PEAK1: variants seen among roughly 807,000 people sequenced by gnomAD.
PEAK1 encodes inactive tyrosine-protein kinase PEAK1.
Under a neutral mutation model 124.7 loss-of-function variants are expected in PEAK1, and 54 were observed. The ratio of observed to expected loss-of-function variants is 0.43; its 90% CI spans 0.35 to 0.54. PEAK1 has a LOEUF of 0.54. PEAK1 is among the 20% of genes least tolerant of loss of function. The pLI is 0.01. For synonymous variants in PEAK1, 719 were observed against 760.0 expected (o/e 0.95, Z 0.89); for missense variants, 2,046 against 2,134.5 (o/e 0.96, Z 0.82).
Position 77,307,102 on chromosome 15 carries a change from A to G in PEAK1, c.-602-20598T>C, listed in dbSNP as rs114634383. On this transcript the variant is annotated intron_variant, in intron 2 of 9. Transcript: ENST00000682557. The stretch of plus-strand genomic sequence containing the variant: ...AGAAAAACAGCAAATGGAAACATAA[A>G]TTATTTTTATTATTAAACCATAAGT... 7.3e-3 allele frequency among the ~76,000 whole-genome samples: 1,111 copies of G among 152,236 alleles called. 15 individuals are homozygous for G. Among genetic ancestry groups the G allele is most frequent in the African/African-American group, 0.025 (1,055 of 41,570 alleles).
At chr15:77,325,236 G>A (rs1287636150) in intron 2 of PEAK1, among the ~76,000 whole-genome samples, 1 of 151,934 alleles carries the variant, frequency 6.6e-6, no homozygotes, top group African/African-American at 2.4e-5. Context: ...GGCAACATAG[G>A]GAGCCCTGTC....
In PEAK1 at chr15:77,111,340, G is replaced by A. The variant is rs1006260757; in HGVS notation, c.*2816C>T. ...TAAAATGAAAAATATTTGTGATAAT[G>A]TTAAACTGACTGAATTTCATTTTTT... is the stretch of plus-strand genomic sequence containing the variant. On this transcript the variant is annotated 3_prime_UTR_variant, in exon 10 of 10. Transcript: ENST00000682557. The A allele has an allele frequency of 6.6e-6, 1 of 152,212 alleles. No homozygotes were observed. Among genetic ancestry groups the A allele is most frequent in the Non-Finnish European group, 1.5e-5 (1 of 68,040 alleles). The allele number at this position is 152,212 out of a possible 1,614,324, so 9.4% of individuals were successfully genotyped here.
Position 77,181,774 on chromosome 15 carries a change from G to A in PEAK1, c.153C>T (p.Asn51=). The A allele has an allele frequency of 6.2e-7, 1 of 1,614,130 alleles. No homozygotes were observed. Among genetic ancestry groups the A allele is most frequent in the Non-Finnish European group, 8.5e-7 (1 of 1,180,014 alleles). ...TGCCCGTGTTCCTGATGCGGTGGTT[G>A]TTACTGTGATTGGCATTAGTTTTCA... is the stretch of plus-strand genomic sequence containing the variant. ...GNVKTNANHS[N]NHRIRNTGNF... Residue 51 remains asparagine, a synonymous_variant, in exon 7 of 10, where the codon AAC becomes AAT. Transcript: ENST00000682557.
rs538485279 is a variant in PEAK1, at chr15:77,339,696, A to G, written c.-603+25467T>C. Among the ~76,000 whole-genome samples, 7 of 152,320 alleles carry G rather than the reference A, an allele frequency of 4.6e-5. 1 individual carries two copies. Among genetic ancestry groups the G allele is most frequent in the African/African-American group, 1.4e-4 (6 of 41,574 alleles). ...TTAAAACTTCTGCTCTGAAAAAGAC[A>G]TTGTTAATGAAAAGACAAGTCACAT... On this transcript the variant is annotated intron_variant, in intron 2 of 9. Transcript: ENST00000682557.
At chr15:77,267,225 A>G (rs1271842768) in intron 5 of PEAK1, among the ~76,000 whole-genome samples, 1 of 152,126 alleles carries the variant, frequency 6.6e-6, no homozygotes, top group Non-Finnish European at 1.5e-5. Context: ...TCCCTGCCCA[A>G]GGAGAGTCTG....
At chr15:77,224,377 T>G (rs914188998) in intron 6 of PEAK1, among the ~76,000 whole-genome samples, 1 of 151,996 alleles carries the variant, frequency 6.6e-6, no homozygotes, top group Admixed American at 6.6e-5. Flanking sequence ...AATTATCTGG[T>G]TTTTACTAAT....
At chr15:77,295,561 A>G (rs955382492) in intron 2 of PEAK1, among the ~76,000 whole-genome samples, 2 of 152,172 alleles carry the variant, frequency 1.3e-5, no homozygotes, top group African/African-American at 2.4e-5. Context: ...TTTTCCATGT[A>G]GGTTACCATG....
At chr15:77,409,614 C>G (rs1210417679) in intron 1 of PEAK1, among the ~76,000 whole-genome samples, 3 of 152,058 alleles carry the variant, frequency 2.0e-5, no homozygotes, top group Non-Finnish European at 4.4e-5. Context: ...AGCAGAAAAC[C>G]CATTACTCAC....
intron 6 of PEAK1, among the ~76,000 whole-genome samples, chr15:77,248,586 C>T (rs1384036155): frequency 6.6e-6 from 1 of 152,148 alleles, no homozygotes; most frequent in Non-Finnish European, 1.5e-5. Flanking sequence ...TGTGAGGACA[C>T]AGTGAAAAGA....
intron 8 of PEAK1, among the ~76,000 whole-genome samples, chr15:77,142,832 A>G (rs1322886741): frequency 6.6e-6 from 1 of 152,166 alleles, no homozygotes; most frequent in Non-Finnish European, 1.5e-5. Flanking sequence ...GGCTGGGGGA[A>G]GGGGAGAATG....
At chr15:77,401,655 A>C in intron 1 of PEAK1, 1 of 985,174 alleles carries the variant, frequency 1.0e-6, no homozygotes, top group Non-Finnish European at 1.2e-6. Flanking sequence ...TAGAACTTCA[A>C]TGGACATTGC....
intron 2 of PEAK1, chr15:77,349,098 G>A (rs1033685823): frequency 1.3e-6 from 1 of 744,126 alleles, no homozygotes; most frequent in East Asian, 1.3e-4. Flanking sequence ...AGAGTGCAGT[G>A]GTGTGATCTC....
chr15:77,313,878 G>A (rs992660788), intron 2 of PEAK1, among the ~76,000 whole-genome samples: 5 of 151,414 alleles, frequency 3.3e-5, no homozygotes, highest in South Asian at 2.1e-4. Context: ...CACCGTGCCC[G>A]GCCAAGACGT....
chr15:77,236,651 G>C (rs977218175), intron 6 of PEAK1, among the ~76,000 whole-genome samples: 3 of 152,110 alleles, frequency 2.0e-5, no homozygotes, highest in African/African-American at 7.2e-5. Context: ...GGGTAAGATT[G>C]TCTTTTGAAA....
intron 1 of PEAK1, among the ~76,000 whole-genome samples, chr15:77,415,509 C>T (rs1452013200): frequency 6.6e-6 from 1 of 152,138 alleles, no homozygotes; most frequent in East Asian, 1.9e-4. Context: ...GATCCTCCTG[C>T]CCCAGCCTAC....
At chr15:77,262,714 G>T (rs147461295) in intron 5 of PEAK1, among the ~76,000 whole-genome samples, 1 of 151,456 alleles carries the variant, frequency 6.6e-6, no homozygotes, top group Non-Finnish European at 1.5e-5. Context: ...AGTTAACAAG[G>T]ATACGCAGGA....
chr15:77,140,442 A>G (rs1267641890), intron 8 of PEAK1, among the ~76,000 whole-genome samples: 1 of 152,240 alleles, frequency 6.6e-6, no homozygotes, highest in Non-Finnish European at 1.5e-5. Flanking sequence ...TAACATCTGA[A>G]AATCAATCAA....
At chr15:77,228,803 T>C (rs1400460298) in intron 6 of PEAK1, among the ~76,000 whole-genome samples, 1 of 152,168 alleles carries the variant, frequency 6.6e-6, no homozygotes, top group Middle Eastern at 3.2e-3. Flanking sequence ...TCCTTCTAAT[T>C]TTAAAAGACA....
chr15:77,348,438 A>T (rs2067005613), intron 2 of PEAK1: 2 of 936,648 alleles, frequency 2.1e-6, no homozygotes, highest in Middle Eastern at 5.5e-4. Context: ...TGATTTTTTA[A>T]AAAGAAAAAA....
Sources: allele counts gnomAD v4.1 joint callset (sites outside exome capture counted in the v4.1 genomes callset), GRCh38; gene constraint gnomAD v4.1.1; transcripts MANE v1.5; gene names NCBI Gene and HGNC (gene_info 2026-07-23, HGNC 2026-07-21).